The following MYO18A variants were observed in gnomAD, a reference collection of about 807,000 sequenced individuals.
MYO18A encodes the protein myosin XVIIIA, also known as unconventional myosin-XVIIIa.
In MYO18A, 78 loss-of-function variants were observed where a neutral mutation model predicts 235.8. That is an observed-to-expected ratio of 0.33 (90% CI 0.28 to 0.40). The LOEUF is 0.40. Ranked by LOEUF, MYO18A falls within the 10% of genes least tolerant of loss-of-function variation. The pLI is 1.00. For missense variants in MYO18A, 2,215 were observed against 2,699.3 expected, an observed-to-expected ratio of 0.82 and a Z score of 3.98; for synonymous variants, 977 against 1,077.8, an observed-to-expected ratio of 0.91 and a Z score of 1.83.
rs1201428556 is a variant in MYO18A at position 29,117,764 on chromosome 17, A to C, written c.2038+281T>G. ...TATTCCAGCGGGGCTGCCCTGCCTT[A>C]GTGCCCTTCTCATCCCTCAGCCTCT... On this transcript the variant is annotated intron_variant, in intron 10 of 41. Coordinates refer to ENST00000527372, the MANE Select transcript of MYO18A (RefSeq NM_078471.4). The surrounding 1 kb of genome is among the most constrained non-coding windows in gnomAD (Gnocchi z 4.6). Among the ~76,000 whole-genome samples, 3 of 152,196 alleles carry C rather than the reference A, an allele frequency of 2.0e-5. No homozygotes were observed. Among genetic ancestry groups the C allele is most frequent in the Non-Finnish European group, 2.9e-5 (2 of 68,030 alleles).
chr17:29,122,341 G>T, intron 2 of MYO18A, 88 bp from the exon 3 acceptor site: 2 of 1,225,602 alleles, frequency 1.6e-6, no homozygotes. Flanking sequence ...GAGGGCATGG[G>T]CTTTGAGACA....
intron 1 of MYO18A, among the ~76,000 whole-genome samples, chr17:29,173,499 T>C (rs1809503624): frequency 6.6e-6 from 1 of 151,590 alleles, no homozygotes; most frequent in Admixed American, 6.6e-5. Flanking sequence ...GCCATTCTCC[T>C]GCCTCAGCCT....
At chr17:29,091,700 C>G (rs1213297760) in intron 34 of MYO18A, 1 of 454,482 alleles carries the variant, frequency 2.2e-6, no homozygotes, top group South Asian at 1.6e-5. Flanking sequence ...CTCTCAGCAG[C>G]TAGGTGACTA....
chr17:29,090,717 C>G, intron 35 of MYO18A, 93 bp downstream of exon 35: 1 of 1,533,024 alleles, frequency 6.5e-7, no homozygotes, highest in Non-Finnish European at 9.0e-7. Context: ...ACTCCATCAC[C>G]TCCCAAAACA....
Position 29,073,977 on chromosome 17 carries a change from C to G in MYO18A, c.*793G>C. The G allele has an allele frequency of 6.2e-7, 1 of 1,613,838 alleles. No homozygotes were observed. Among genetic ancestry groups the G allele is most frequent in the Non-Finnish European group, 8.5e-7 (1 of 1,179,932 alleles). ...TGGAATGGGTTTACCTTAAATAGGTCATTGCACATAACACGCTGAGACAAA... is the reference window on the plus strand; with the variant it reads ...TGGAATGGGTTTACCTTAAATAGGTGATTGCACATAACACGCTGAGACAAA... On this transcript the variant is annotated 3_prime_UTR_variant, in exon 42 of 42. Coordinates refer to ENST00000527372, the MANE Select transcript of MYO18A (RefSeq NM_078471.4).
chr17:29,154,033 G>C (rs529463652), intron 2 of MYO18A, among the ~76,000 whole-genome samples: 85 of 152,256 alleles, frequency 5.6e-4, no homozygotes, highest in African/African-American at 2.0e-3. Context: ...AGAAGGTAAG[G>C]GCTAGAAGCA....
At position 29,120,654 on chromosome 17, in the gene MYO18A, A is replaced by T. The variant is rs763764879; in HGVS notation, c.1690T>A (p.Phe564Ile). The change falls in exon 7 of 42, where the codon TTT becomes ATT. Residue 564 changes from phenylalanine to isoleucine, a missense_variant. Transcript: ENST00000527372. This position sits in a 1 kb window ranked among gnomAD's most constrained non-coding sequence, Gnocchi z 4.2. Reference sequence around the variant, plus strand: ...GAGGCCACCTGGCCAGCTTGGTCAAAGTCCAGGGAGAGGATCTGGGAGAAG... The same window carrying T: ...GAGGCCACCTGGCCAGCTTGGTCAATGTCCAGGGAGAGGATCTGGGAGAAG... ...TRFSQILSLD[F>I]DQAGQVASAS... The T allele has an allele frequency of 1.6e-5, 26 of 1,614,022 alleles. No individual in the cohort carries two copies. The Admixed American group carries it at 4.3e-4, about 27-fold the overall frequency.
chr17:29,112,795 T>C (rs1397271624), intron 15 of MYO18A, among the ~76,000 whole-genome samples: 1 of 152,220 alleles, frequency 6.6e-6, no homozygotes, highest in African/African-American at 2.4e-5. Flanking sequence ...CCCAGCTGCC[T>C]GCATCTCCTC....
At chr17:29,080,320 G>A in intron 41 of MYO18A, 1 of 986,154 alleles carries the variant, frequency 1.0e-6, no homozygotes, top group Non-Finnish European at 1.2e-6. Flanking sequence ...GCGGACGCTG[G>A]AGCTGGGAGG....
rs781016669 is a variant in MYO18A at position 29,093,467 on chromosome 17, G to A, written c.4822-40C>T. The A allele has an allele frequency of 2.6e-6, 4 of 1,513,606 alleles. No homozygotes were observed. In the South Asian group the frequency reaches 3.4e-5, roughly 13 times the overall value. The allele number at this position is 1,513,606 out of a possible 1,614,324, so 93.8% of individuals were successfully genotyped here. A position where few individuals can be genotyped will look rare whatever the true frequency, so the allele number is the denominator to read the frequency against. ...GGACAGAGACCCGTCCGTCCCTTTA[G>A]TGCCTGGTGCGAAGCAGGCCCCTTC... is the stretch of plus-strand genomic sequence containing the variant. On this transcript the variant is annotated intron_variant, in intron 31 of 41. Transcript: ENST00000527372.
At chr17:29,099,083 C>T in intron 22 of MYO18A, 114 bp from the exon 23 acceptor site, 2 of 1,338,202 alleles carry the variant, frequency 1.5e-6, no homozygotes, top group Non-Finnish European at 2.1e-6. Flanking sequence ...CTCTGGCCCC[C>T]TGACCCCGAG....
intron 2 of MYO18A, among the ~76,000 whole-genome samples, chr17:29,161,827 GA>G (rs1308266522): frequency 6.6e-6 from 1 of 152,184 alleles, no homozygotes; most frequent in East Asian, 1.9e-4. Context: ...GTGGAGGAGG[GA>G]ATTTTGATCC....
chr17:29,135,837 T>C (rs1289576886), intron 2 of MYO18A, among the ~76,000 whole-genome samples: 1 of 152,256 alleles, frequency 6.6e-6, no homozygotes, highest in Non-Finnish European at 1.5e-5. Context: ...AACTGGATTG[T>C]TTATAACCCA....
chr17:29,102,948 G>A (rs1394103620), intron 21 of MYO18A, among the ~76,000 whole-genome samples: 2 of 152,058 alleles, frequency 1.3e-5, no homozygotes, highest in Non-Finnish European at 2.9e-5. Context: ...GCACACATGC[G>A]GGTGCCACCT....
intron 23 of MYO18A, 108 bp from the exon 24 acceptor site, chr17:29,098,553 G>A (rs772287662): frequency 2.3e-6 from 3 of 1,318,676 alleles, no homozygotes; most frequent in East Asian, 2.4e-5. Flanking sequence ...GGGCCAGGAC[G>A]CCATGGGGAA....
chr17:29,074,224 A>G lies in MYO18A; in HGVS notation c.*546T>C. ...TTCCCGAGTCGTTCTTGGGAGCCCC[A>G]GCTACCACTACAGCCCCCTCCCACT... On this transcript the variant is annotated 3_prime_UTR_variant, in exon 42 of 42. Transcript: ENST00000527372. The surrounding 1 kb of genome is among the most constrained non-coding windows in gnomAD (Gnocchi z 4.4). 1.3e-6 allele frequency: 2 copies of G among 1,566,870 alleles called. No homozygotes were observed. Among genetic ancestry groups the G allele is most frequent in the South Asian group, 1.2e-5 (1 of 83,404 alleles).
In MYO18A at chr17:29,166,475, G is replaced by T. The variant is rs777632622; in HGVS notation, c.466C>A (p.Pro156Thr). ...GAGGGGGCGGCAGAGTGCTCTGAGG[G>T]CGTCGAGGTTTCTGAGGCGCTCTCA... ...RDESASETST[P>T]SEHSAAPSPQ... The change falls in exon 2 of 42, where the codon CCC (proline) becomes ACC (threonine). Residue 156 changes from proline to threonine, a missense_variant. By Grantham distance (38) the Pro-to-Thr change is conservative. Transcript: ENST00000527372. The T allele has an allele frequency of 6.2e-7, 1 of 1,613,676 alleles. No homozygotes were observed. The highest frequency in any genetic ancestry group is 8.5e-7 in the Non-Finnish European group (1 of 1,179,846).
chr17:29,082,176 C>T (rs550911614), intron 41 of MYO18A, 140 bp downstream of exon 41: 236 of 1,125,544 alleles, frequency 2.1e-4, no homozygotes, highest in Non-Finnish European at 2.7e-4. Context: ...TGCCCATGCA[C>T]ATGCCAGAAG....
intron 2 of MYO18A, among the ~76,000 whole-genome samples, chr17:29,164,195 C>T (rs2068233668): frequency 6.6e-6 from 1 of 152,226 alleles, no homozygotes; most frequent in Non-Finnish European, 1.5e-5. Flanking sequence ...CCAGCCCAGT[C>T]TTTGCTTCTG....
Sources: gnomAD v4.1 joint callset for allele counts (sites outside exome capture counted in the v4.1 genomes callset) on GRCh38, gnomAD v4.1.1 for gene constraint, Gnocchi (gnomAD v3.1) non-coding constraint, MANE v1.5 for transcripts, NCBI Gene and HGNC (gene_info 2026-07-23, HGNC 2026-07-21) for gene names.